Variants in AR observed in about 807,000 individuals in gnomAD.
The protein encoded by AR is dihydrotestosterone receptor.
Under a neutral mutation model 53.9 loss-of-function variants are expected in AR, and 8 were observed. The ratio of observed to expected loss-of-function variants is 0.15; its 90% CI spans 0.09 to 0.27. The LOEUF (loss-of-function observed/expected upper bound fraction) is 0.27, where lower values mean the gene tolerates loss of function less well. AR is among the 10% of genes least tolerant of loss of function. The pLI is 1.00. For missense variants in AR, 639 were observed against 742.5 expected (o/e 0.86, Z 1.62); for synonymous variants, 359 against 316.4 (o/e 1.13, Z -1.43).
intron 3 of AR, among the ~76,000 whole-genome samples, chrX:67,702,280 C>G (rs757225420): frequency 8.9e-6 from 1 of 111,752 alleles, no homozygotes; most frequent in South Asian, 3.8e-4. Context: ...AACTCCCGAG[C>G]TCAAAGCTAG....
chrX:67,546,841 T>G, intron 1 of AR, 79 bp downstream of exon 1: 3 of 1,064,517 alleles, frequency 2.8e-6, no homozygotes, highest in Non-Finnish European at 3.8e-6. Context: ...TAGCGGCTCC[T>G]ACCTGCGCGA....
chrX:67,549,564 G>T (rs1294778251), intron 1 of AR, among the ~76,000 whole-genome samples: 2 of 111,825 alleles, frequency 1.8e-5, no homozygotes, highest in Non-Finnish European at 3.8e-5. Context: ...TTCTCTCTGA[G>T]ATCAAACAGG....
At position 67,687,297 on chromosome X, in the gene AR, T is replaced by A. The variant is rs1389589739; in HGVS notation, c.1885+1171T>A. Among the ~76,000 whole-genome samples the A allele has an allele frequency of 9.8e-5, 11 of 111,686 alleles. No homozygotes were observed. In the Admixed American group the frequency reaches 1.0e-3, roughly 11 times the overall value. ...GCAGGGCCATGTGTGGATCTTCATA[T>A]AGATAACTATATCCTCCCCATCCTC... On this transcript the variant is annotated intron_variant, in intron 3 of 7. Coordinates refer to ENST00000374690, the MANE Select transcript of AR (RefSeq NM_000044.6).
At chrX:67,721,032 C>T (rs1315013301) in intron 5 of AR, among the ~76,000 whole-genome samples, 1 of 111,580 alleles carries the variant, frequency 9.0e-6, no homozygotes, top group Non-Finnish European at 1.9e-5. Flanking sequence ...GCTGGCCAAG[C>T]ATTGGCCACT....
chrX:67,573,660 C>T (rs978310990), intron 1 of AR, among the ~76,000 whole-genome samples: 1 of 111,582 alleles, frequency 9.0e-6, no homozygotes, highest in African/African-American at 3.3e-5. Context: ...GGGCTCTTGC[C>T]CTACCACCCT....
chrX:67,707,928 C>T (rs2041685612), intron 3 of AR, among the ~76,000 whole-genome samples: 1 of 111,756 alleles, frequency 8.9e-6, no homozygotes, highest in African/African-American at 3.3e-5. Flanking sequence ...ATATGAAATT[C>T]TGGGTTGAAA....
At chrX:67,682,744 C>T (rs900347960) in intron 2 of AR, among the ~76,000 whole-genome samples, 1 of 111,813 alleles carries the variant, frequency 8.9e-6, no homozygotes, top group African/African-American at 3.3e-5. Context: ...TTGGCTCTAC[C>T]ATCATTTGGG....
In AR at chrX:67,544,476, C is replaced by G; in HGVS notation, c.-671C>G. On this transcript the variant is annotated 5_prime_UTR_variant, in exon 1 of 8. Coordinates refer to ENST00000374690, the MANE Select transcript of AR (RefSeq NM_000044.6). ...CGCCCCCCCGCCCCCGTCGGCCCAG[C>G]GCTGCCAGCCCGAGTTTGCAGAGAG... 6.6e-6 allele frequency: 1 copy of G among 151,757 alleles called. No individual in the cohort carries two copies. Among genetic ancestry groups the G allele is most frequent in the Non-Finnish European group, 1.2e-5 (1 of 81,138 alleles). The allele number at this position is 151,757 out of a possible 1,213,427, so 12.5% of individuals were successfully genotyped here.
chrX:67,546,504 G>T lies in AR; in HGVS notation c.1358G>T (p.Gly453Val). The T allele has an allele frequency of 2.0e-6, 2 of 1,002,124 alleles. No homozygotes were observed. The highest frequency in any genetic ancestry group is 2.5e-6 in the Non-Finnish European group (2 of 788,076). The allele number at this position is 1,002,124 out of a possible 1,213,427, so 82.6% of individuals were successfully genotyped here. A position where few individuals can be genotyped will look rare whatever the true frequency, so the allele number is the denominator to read the frequency against. Residue 453 changes from glycine to valine, a missense_variant, in exon 1 of 8, where the codon GGT becomes GTT. Around this residue, in one of 5 missense-constraint regions of AR, gnomAD observed 423 missense variants for 377.0 expected, o/e 1.12. Transcript: ENST00000374690. ...CAGTTGTATGGACCGTGTGGTGGTGGTGGGGGTGGTGGCGGCGGCGGCGGC... is the reference window on the plus strand; with the variant it reads ...CAGTTGTATGGACCGTGTGGTGGTGTTGGGGGTGGTGGCGGCGGCGGCGGC... ...EGQLYGPCGG[G>V]GGGGGGGGGG...
chrX:67,642,275 A>G (rs912516137), intron 1 of AR, among the ~76,000 whole-genome samples: 8 of 112,168 alleles, frequency 7.1e-5, no homozygotes, highest in South Asian at 3.7e-4. Context: ...AGACATAGGA[A>G]TGACAAAAGC....
chrX:67,673,274 G>T (rs1331658993), intron 2 of AR, among the ~76,000 whole-genome samples: 1 of 109,471 alleles, frequency 9.1e-6, no homozygotes, highest in Non-Finnish European at 1.9e-5. Context: ...TCGTGTTCTT[G>T]TACTTGGATA....
chrX:67,684,531 C>T (rs1235644246), intron 2 of AR, among the ~76,000 whole-genome samples: 1 of 110,646 alleles, frequency 9.0e-6, no homozygotes, highest in Non-Finnish European at 1.9e-5. Flanking sequence ...GAGAGTTGTA[C>T]TGTTGTGATT....
chrX:67,712,179 G>A (rs918600967), intron 4 of AR, among the ~76,000 whole-genome samples: 8 of 111,980 alleles, frequency 7.1e-5, no homozygotes, highest in Admixed American at 6.6e-4. Flanking sequence ...CTTCGGGTCT[G>A]CTCTTAGCTC....
At chrX:67,630,683 T>G (rs895932248) in intron 1 of AR, among the ~76,000 whole-genome samples, 2 of 111,002 alleles carry the variant, frequency 1.8e-5, no homozygotes, top group African/African-American at 6.6e-5. Context: ...CCTGTCATTA[T>G]GATTTTAGCT....
intron 2 of AR, among the ~76,000 whole-genome samples, chrX:67,645,390 CT>C (rs1433529964): frequency 9.0e-6 from 1 of 111,131 alleles, no homozygotes; most frequent in East Asian, 2.9e-4. Context: ...ACTGGCAGGG[CT>C]GCCTGGGAGG....
At chrX:67,723,092 C>A in intron 7 of AR, 108 bp downstream of exon 7, 1 of 983,264 alleles carries the variant, frequency 1.0e-6, no homozygotes, top group Non-Finnish European at 1.4e-6. Flanking sequence ...GCTTCCATTC[C>A]CCTCTGGCTT....
intron 1 of AR, among the ~76,000 whole-genome samples, chrX:67,601,003 G>C (rs1344815904): frequency 9.0e-6 from 1 of 111,673 alleles, no homozygotes; most frequent in African/African-American, 3.2e-5. Flanking sequence ...TGAAAAAGAA[G>C]ATTCTTCCTT....
intron 2 of AR, among the ~76,000 whole-genome samples, chrX:67,660,049 T>G (rs1246694417): frequency 1.8e-5 from 2 of 112,172 alleles, no homozygotes; most frequent in Non-Finnish European, 3.8e-5. Context: ...TTGCCCACTT[T>G]TTGATAGGGT....
chrX:67,622,328 A>C (rs1473168597), intron 1 of AR, among the ~76,000 whole-genome samples: 3 of 111,334 alleles, frequency 2.7e-5, no homozygotes, highest in Non-Finnish European at 5.7e-5. Flanking sequence ...TGGAAAAAAA[A>C]AATTGGCTCA....
Sources: allele counts gnomAD v4.1 joint callset (sites outside exome capture counted in the v4.1 genomes callset), GRCh38; gene constraint gnomAD v4.1.1; regional missense constraint gnomAD v4.1.1; transcripts MANE v1.5; gene names NCBI Gene and HGNC (gene_info 2026-07-23, HGNC 2026-07-21).